SYMPK: variants seen among roughly 807,000 people sequenced by gnomAD.
SYMPK encodes the protein symplekin.
In SYMPK, 49 loss-of-function variants were observed where a neutral mutation model predicts 136.4. The ratio of observed to expected loss-of-function variants is 0.36; its 90% CI spans 0.29 to 0.46. The LOEUF is 0.46. SYMPK is among the 20% of genes least tolerant of loss of function. The probability of loss-of-function intolerance (pLI) is 1.00; values close to 1 mark genes in which losing one functional copy is unlikely to be tolerated. For missense variants in SYMPK, 1,365 were observed against 1,690.0 expected, an observed-to-expected ratio of 0.81 and a Z score of 3.37; for synonymous variants, 766 against 713.0, an observed-to-expected ratio of 1.07 and a Z score of -1.19.
intron 19 of SYMPK, 50 bp from the exon 20 acceptor site, chr19:45,823,522 G>C (rs1359023744): frequency 6.5e-7 from 1 of 1,549,824 alleles, no homozygotes; most frequent in African/African-American, 1.4e-5. Flanking sequence ...GGGGAGCGTG[G>C]GAAAGGGTGG....
chr19:45,859,953 T>TAAA (rs61203536), intron 1 of SYMPK, among the ~76,000 whole-genome samples: 2 of 85,642 alleles, frequency 2.3e-5, no homozygotes, highest in African/African-American at 4.6e-5. Context: ...AGACTCCATC[T>TAAA]AAAAAAAAAA....
At chr19:45,848,157 T>C (rs1971612926) in intron 6 of SYMPK, among the ~76,000 whole-genome samples, 156 bp from the exon 7 acceptor site, 1 of 152,176 alleles carries the variant, frequency 6.6e-6, no homozygotes, top group Non-Finnish European at 1.5e-5. Flanking sequence ...CCCAGCCCAG[T>C]GCTCGGTGAT....
chr19:45,859,494 G>A (rs1473778667), intron 1 of SYMPK, among the ~76,000 whole-genome samples: 1 of 152,092 alleles, frequency 6.6e-6, no homozygotes, highest in Non-Finnish European at 1.5e-5. Context: ...CAGCTACTTG[G>A]GAGGCTGAGG....
intron 5 of SYMPK, among the ~76,000 whole-genome samples, chr19:45,849,645 T>A (rs1295991659): frequency 6.6e-6 from 1 of 152,212 alleles, no homozygotes; most frequent in East Asian, 1.9e-4. Context: ...TCACATGGTA[T>A]GTATTTGCTG....
At chr19:45,819,229 T>A (rs1349389713) in intron 22 of SYMPK, 1 of 152,234 alleles carries the variant, frequency 6.6e-6, no homozygotes, top group African/African-American at 2.4e-5. Context: ...TCCGATCCAT[T>A]CTCCATATAG....
chr19:45,850,252 TAATA>T (rs1044240849), intron 5 of SYMPK, among the ~76,000 whole-genome samples: 1 of 151,690 alleles, frequency 6.6e-6, no homozygotes, highest in African/African-American at 2.4e-5. Context: ...CTCAAAAAAA[TAATA>T]AATAAATAAA....
In SYMPK at chr19:45,821,200, G is replaced by A. The variant is rs752971720; in HGVS notation, c.2893+184C>T. Reference sequence around the variant, plus strand: ...GGAGGAAGGAAGGAGGAGGGAGGGAGGGAGGGAGGGAAGAGGAGGCAAGAA... The same window carrying A: ...GGAGGAAGGAAGGAGGAGGGAGGGAAGGAGGGAGGGAAGAGGAGGCAAGAA... On this transcript the variant is annotated intron_variant, in intron 22 of 26. Coordinates refer to ENST00000245934, the MANE Select transcript of SYMPK (RefSeq NM_004819.3). The surrounding 1 kb of genome is among the most constrained non-coding windows in gnomAD (Gnocchi z 4.4). 2 of 694,886 alleles carry A rather than the reference G, an allele frequency of 2.9e-6. No homozygotes were observed. Among genetic ancestry groups the A allele is most frequent in the Non-Finnish European group, 5.2e-6 (2 of 382,434 alleles). The allele number at this position is 694,886 out of a possible 1,614,324, so 43.0% of individuals were successfully genotyped here.
intron 9 of SYMPK, among the ~76,000 whole-genome samples, chr19:45,841,449 C>T (rs1971434265): frequency 6.6e-6 from 1 of 152,118 alleles, no homozygotes; most frequent in Non-Finnish European, 1.5e-5. Flanking sequence ...TGCACCACTA[C>T]ACCCAGCTAA....
intron 22 of SYMPK, 116 bp from the exon 23 acceptor site, chr19:45,818,262 C>T: frequency 8.9e-7 from 1 of 1,124,450 alleles, no homozygotes; most frequent in South Asian, 1.8e-5. Flanking sequence ...GCCCTGACTT[C>T]TAAAGCCCCT....
chr19:45,858,895 C>T (rs556093400), intron 1 of SYMPK, among the ~76,000 whole-genome samples: 1 of 151,924 alleles, frequency 6.6e-6, no homozygotes, highest in Non-Finnish European at 1.5e-5. Flanking sequence ...CATCATCACA[C>T]ACTACATATT....
In SYMPK at chr19:45,848,796, T is replaced by C; in HGVS notation, c.380A>G (p.Lys127Arg). ...CTGGGTCATGGTGAGGATAGCCTTC[T>C]TCACCACGTTCACATTCTCGTCCCT... ...LLRDENVNVVKKAILTMTQLY... is the reference protein window; with the variant it reads ...LLRDENVNVVRKAILTMTQLY... The change falls in exon 6 of 27, where the codon AAG becomes AGG. Residue 127 changes from lysine (K) to arginine (R), a missense_variant. Transcript: ENST00000245934. 6.2e-7 allele frequency: 1 copy of C among 1,614,014 alleles called. No individual in the cohort carries two copies. Among genetic ancestry groups the C allele is most frequent in the Non-Finnish European group, 8.5e-7 (1 of 1,180,034 alleles).
chr19:45,829,248 T>C (rs767343086), intron 13 of SYMPK, 43 bp from the exon 14 acceptor site: 5 of 1,544,400 alleles, frequency 3.2e-6, no homozygotes, highest in Non-Finnish European at 4.5e-6. Context: ...GGGTGGGCAA[T>C]CCAGGGACTC....
chr19:45,846,854 C>T (rs1173835355), intron 7 of SYMPK, among the ~76,000 whole-genome samples: 2 of 151,448 alleles, frequency 1.3e-5, no homozygotes, highest in South Asian at 2.1e-4. Flanking sequence ...AGTGCAGTGG[C>T]ACAGTCTCAG....
intron 7 of SYMPK, 87 bp from the exon 8 acceptor site, chr19:45,844,287 A>C (rs1409838825): frequency 9.2e-7 from 1 of 1,084,502 alleles, no homozygotes; most frequent in Non-Finnish European, 1.3e-6. Context: ...AAGGAAGGAC[A>C]GATCCTGGTA....
chr19:45,821,151 G>A lies in SYMPK; in HGVS notation c.2893+233C>T. On this transcript the variant is annotated intron_variant, in intron 22 of 26. Transcript: ENST00000245934. The surrounding 1 kb of genome is among the most constrained non-coding windows in gnomAD (Gnocchi z 4.4). ...GCAGGTACATCAGAGGCAGAAAAAG[G>A]TGGGTTGTAAAGGGTAAAACCTGGG... The A allele has an allele frequency of 1.4e-6, 1 of 696,648 alleles. No homozygotes were observed. The highest frequency in any genetic ancestry group is 2.6e-6 in the Non-Finnish European group (1 of 381,960). 43.2% of individuals were successfully genotyped at this position (696,648 alleles called of 1,614,324 possible).
At chr19:45,853,467 G>A (rs1269604596) in intron 3 of SYMPK, among the ~76,000 whole-genome samples, 2 of 152,088 alleles carry the variant, frequency 1.3e-5, no homozygotes, top group African/African-American at 2.4e-5. Flanking sequence ...GGTGAAACGC[G>A]TCTCTACTAA....
intron 22 of SYMPK, chr19:45,820,177 T>G (rs559531605): frequency 1.1e-4 from 17 of 151,574 alleles, no homozygotes; most frequent in African/African-American, 4.2e-4. Context: ...GGCCTTGGGG[T>G]GTGTGTGTGT....
rs191537817 is a variant in SYMPK, at chr19:45,835,073, C to G, written c.1393+5G>C. On this transcript the variant is annotated splice_donor_5th_base_variant and intron_variant, in intron 11 of 26. Coordinates refer to ENST00000245934, the MANE Select transcript of SYMPK (RefSeq NM_004819.3). Reference sequence around the variant, plus strand: ...TGGCCCAGGTTAGGGCCAGGACACACTCACCTGGTCCCAGTCCGGCAGCTG... The same window carrying G: ...TGGCCCAGGTTAGGGCCAGGACACAGTCACCTGGTCCCAGTCCGGCAGCTG... 1 of 1,588,414 alleles carries G rather than the reference C, an allele frequency of 6.3e-7. No individual in the cohort carries two copies. The highest frequency in any genetic ancestry group is 2.2e-5 in the East Asian group (1 of 44,608).
chr19:45,828,218 G>A lies in SYMPK; in HGVS notation c.1986-300C>T, dbSNP rs111897391. 1.1e-3 allele frequency: 383 copies of A among 348,070 alleles called. 1 individual carries two copies. The highest frequency in any genetic ancestry group is 7.3e-3 in the African/African-American group (346 of 47,172). The allele number at this position is 348,070 out of a possible 1,614,324, so 21.6% of individuals were successfully genotyped here. A position where few individuals can be genotyped will look rare whatever the true frequency, so the allele number is the denominator to read the frequency against. On this transcript the variant is annotated intron_variant, in intron 14 of 26. Transcript: ENST00000245934. The stretch of plus-strand genomic sequence containing the variant: ...ATGATGGCGGGTGGAGAAGGGTGTG[G>A]GTATTTTAGATATGGTGGCCTCAAA...
Sources: allele counts gnomAD v4.1 joint callset (sites outside exome capture counted in the v4.1 genomes callset), GRCh38; gene constraint gnomAD v4.1.1; non-coding constraint Gnocchi (gnomAD v3.1); transcripts MANE v1.5; gene names NCBI Gene and HGNC (gene_info 2026-07-23, HGNC 2026-07-21).